Variants in DOCK10 observed in about 807,000 individuals in gnomAD.
DOCK10 encodes dedicator of cytokinesis 10, also known as dedicator of cytokinesis protein 10.
Under a neutral mutation model 280.1 loss-of-function variants are expected in DOCK10, and 145 were observed. That is an observed-to-expected ratio of 0.52 (90% CI 0.45 to 0.59). DOCK10 has a LOEUF of 0.59. Ranked by LOEUF, DOCK10 falls within the 20% of genes least tolerant of loss-of-function variation. The pLI is 0.00. For missense variants in DOCK10, 2,368 were observed against 2,651.7 expected (o/e 0.89, Z 2.35); for synonymous variants, 915 against 942.2 (o/e 0.97, Z 0.53).
intron 33 of DOCK10, chr2:224,807,189 T>C (rs79074045): frequency 4.0e-4 from 61 of 153,886 alleles, no homozygotes; most frequent in Middle Eastern, 6.8e-3. Context: ...AGCAGTGGGT[T>C]ATTTCATCTG....
chr2:224,962,849 C>T (rs1216669289), intron 1 of DOCK10, among the ~76,000 whole-genome samples: 3 of 152,082 alleles, frequency 2.0e-5, no homozygotes, highest in African/African-American at 7.2e-5. Context: ...AAGTGAAACC[C>T]TAATGAAAAT....
chr2:224,796,530 T>A (rs181560619), intron 43 of DOCK10, 104 bp from the exon 44 acceptor site: 5 of 690,802 alleles, frequency 7.2e-6, no homozygotes, highest in Non-Finnish European at 1.2e-5. Flanking sequence ...TCCCTGTAGG[T>A]CCAATAAAAG....
intron 3 of DOCK10, among the ~76,000 whole-genome samples, chr2:224,906,726 G>A (rs753946116): frequency 1.1e-4 from 16 of 152,190 alleles, no homozygotes; most frequent in South Asian, 6.2e-4. Flanking sequence ...TGATCCGCCC[G>A]CCTTGGCCTC....
chr2:224,876,419 G>A (rs1698632181), intron 7 of DOCK10, among the ~76,000 whole-genome samples, 198 bp from the exon 8 acceptor site: 1 of 152,122 alleles, frequency 6.6e-6, no homozygotes, highest in Non-Finnish European at 1.5e-5. Context: ...TTTGTACTAA[G>A]AAATATCTTA....
intron 1 of DOCK10, among the ~76,000 whole-genome samples, chr2:225,038,464 G>C (rs1457278789): frequency 6.6e-6 from 1 of 152,108 alleles, no homozygotes; most frequent in African/African-American, 2.4e-5. Context: ...AATATCAAAA[G>C]TGGTATTATT....
chr2:224,842,790 G>C (rs1696052281), intron 22 of DOCK10, among the ~76,000 whole-genome samples: 1 of 152,192 alleles, frequency 6.6e-6, no homozygotes, highest in Admixed American at 6.5e-5. Flanking sequence ...CCCTTCCTCT[G>C]TGTACCTTCC....
In DOCK10 at chr2:224,789,092, G is replaced by T. The variant is rs778217486; in HGVS notation, c.5390C>A (p.Ser1797Tyr). 2.5e-5 allele frequency: 40 copies of T among 1,613,436 alleles called. No individual in the cohort carries two copies. Among genetic ancestry groups the T allele is most frequent in the South Asian group, 2.4e-4 (22 of 90,970 alleles). Residue 1797 changes from serine (S) to tyrosine (Y), a missense_variant, in exon 48 of 56, where the codon TCT (serine) becomes TAT (tyrosine). Around this residue, in one of 2 missense-constraint regions of DOCK10, gnomAD observed 1,159 missense variants for 1,400.8 expected, o/e 0.83. Transcript: ENST00000258390. ...IKEEGAMKED[S>Y]GMQDTPYNEN... The stretch of plus-strand genomic sequence containing the variant: ...ATTGTATGGTGTATCTTGCATTCCA[G>T]AATCCTCTTTCATCGCTCCTTCTTC...
intron 1 of DOCK10, among the ~76,000 whole-genome samples, chr2:224,964,578 C>T (rs897773500): frequency 2.0e-5 from 3 of 151,946 alleles, no homozygotes; most frequent in Non-Finnish European, 2.9e-5. Context: ...CATTATAGCT[C>T]ACTGCAGCCT....
intron 19 of DOCK10, among the ~76,000 whole-genome samples, chr2:224,846,415 T>C (rs1696355149): frequency 2.0e-5 from 3 of 152,094 alleles, no homozygotes; most frequent in Admixed American, 6.5e-5. Flanking sequence ...AGTTTTTTTT[T>C]CATTTTGGAG....
At chr2:224,865,898 C>A (rs938006917) in intron 11 of DOCK10, among the ~76,000 whole-genome samples, 2 of 151,844 alleles carry the variant, frequency 1.3e-5, no homozygotes, top group Admixed American at 1.3e-4. Flanking sequence ...TACACACATA[C>A]ACACACACTC....
chr2:224,880,374 G>T (rs1698910619), intron 7 of DOCK10, among the ~76,000 whole-genome samples: 1 of 152,180 alleles, frequency 6.6e-6, no homozygotes, highest in African/African-American at 2.4e-5. Context: ...CTTGCTGTCT[G>T]TAATCTCAAA....
chr2:224,945,631 C>T (rs373580990), intron 1 of DOCK10, among the ~76,000 whole-genome samples: 24 of 151,864 alleles, frequency 1.6e-4, no homozygotes, highest in Admixed American at 1.2e-3. Flanking sequence ...TGAGAGGCAA[C>T]GTACTTATTC....
intron 11 of DOCK10, among the ~76,000 whole-genome samples, chr2:224,870,276 T>C (rs1284032673): frequency 1.3e-5 from 2 of 152,246 alleles, no homozygotes; most frequent in African/African-American, 4.8e-5. Context: ...CCAGTCATGC[T>C]GAACTGTGAG....
intron 1 of DOCK10, among the ~76,000 whole-genome samples, chr2:225,012,845 T>C (rs1415635606): frequency 6.6e-6 from 1 of 152,210 alleles, no homozygotes; most frequent in Non-Finnish European, 1.5e-5. Flanking sequence ...AGGAAGGTCC[T>C]ATTAGTTGTT....
intron 51 of DOCK10, 131 bp from the exon 52 acceptor site, chr2:224,775,246 A>T (rs1198872828): frequency 1.2e-5 from 9 of 782,210 alleles, no homozygotes; most frequent in Non-Finnish European, 1.9e-5. Flanking sequence ...GGGCAGTCAC[A>T]TCATTTCAGA....
At chr2:224,927,917 G>C in intron 2 of DOCK10, among the ~76,000 whole-genome samples, 1 of 152,120 alleles carries the variant, frequency 6.6e-6, no homozygotes, top group East Asian at 1.9e-4. Flanking sequence ...ATTTAGAGGT[G>C]GGGGTGGGAA....
intron 1 of DOCK10, among the ~76,000 whole-genome samples, chr2:224,994,955 G>A (rs569408860): frequency 6.6e-6 from 1 of 152,266 alleles, no homozygotes; most frequent in East Asian, 1.9e-4. Flanking sequence ...AGTGTTTCCT[G>A]AGGTTGCACA....
At chr2:224,817,198 C>T (rs1694183016) in intron 29 of DOCK10, among the ~76,000 whole-genome samples, 3 of 152,148 alleles carry the variant, frequency 2.0e-5, no homozygotes, top group African/African-American at 7.2e-5. Context: ...TCTCATAGTA[C>T]ATTAATTAAT....
intron 1 of DOCK10, among the ~76,000 whole-genome samples, chr2:224,988,308 C>T (rs1706027996): frequency 6.6e-6 from 1 of 152,188 alleles, no homozygotes; most frequent in Non-Finnish European, 1.5e-5. Context: ...CTGTAAGACA[C>T]AGGATTGTGC....
Sources: gnomAD v4.1 joint callset for allele counts (sites outside exome capture counted in the v4.1 genomes callset) on GRCh38, gnomAD v4.1.1 for gene constraint, gnomAD v4.1.1 regional missense constraint, MANE v1.5 for transcripts, NCBI Gene and HGNC (gene_info 2026-07-23, HGNC 2026-07-21) for gene names.